The following ATR variants were observed in gnomAD, a reference collection of about 807,000 sequenced individuals.
ATR encodes the protein ATR checkpoint kinase, also known as serine/threonine-protein kinase ATR.
Under a neutral mutation model 305.3 loss-of-function variants are expected in ATR, and 142 were observed. The ratio of observed to expected loss-of-function variants is 0.47; its 90% CI spans 0.41 to 0.53. The LOEUF (loss-of-function observed/expected upper bound fraction) is 0.53. Among genes scored for constraint, ATR ranks in the 20% least tolerant of loss-of-function variants. The pLI is 0.00. For synonymous variants in ATR, 1,050 were observed against 1,068.1 expected (o/e 0.98, Z 0.33); for missense variants, 2,135 against 3,133.1 (o/e 0.68, Z 7.60).
At chr3:142,469,273 A>G (rs2071201827) in intron 38 of ATR, 64 bp downstream of exon 38, 2 of 1,358,510 alleles carry the variant, frequency 1.5e-6, no homozygotes, top group Non-Finnish European at 1.0e-6. Flanking sequence ...TTAGTATTAC[A>G]TAATCAAGTT....
chr3:142,549,709 T>G (rs762037131), intron 14 of ATR, 36 bp from the exon 15 acceptor site: 1 of 1,591,740 alleles, frequency 6.3e-7, no homozygotes, highest in Non-Finnish European at 8.6e-7. Flanking sequence ...AAAAGTACAT[T>G]TGTCTGGGTG....
chr3:142,569,724 G>T (rs1407941069), intron 1 of ATR, among the ~76,000 whole-genome samples: 1 of 151,706 alleles, frequency 6.6e-6, no homozygotes, highest in Admixed American at 6.6e-5. Context: ...TCAACTCACT[G>T]CAACCTCTGT....
chr3:142,576,056 A>C lies in ATR; in HGVS notation c.59+2590T>G, dbSNP rs1039252711. On this transcript the variant is annotated intron_variant, in intron 1 of 46. Transcript: ENST00000350721. ...AGTAGGTAAAAGTAGAAATGGAAAG[A>C]TCAACTAAGGTTACTGTAATAGTTC... 4.6e-4 allele frequency among the ~76,000 whole-genome samples: 70 copies of C among 152,262 alleles called. 3 individuals carry two copies. The highest frequency in any genetic ancestry group is 5.9e-5 in the Non-Finnish European group (4 of 68,034).
rs1452658092 is a variant in ATR, at chr3:142,498,611, A to G, written c.5544T>C (p.Tyr1848=). The G allele has an allele frequency of 6.2e-7, 1 of 1,613,612 alleles. No individual in the cohort carries two copies. Among genetic ancestry groups the G allele is most frequent in the Non-Finnish European group, 8.5e-7 (1 of 1,179,940 alleles). The part of the protein sequence containing the change: ...SFERGSYQRG[Y]EYIVRLHMLC... ...TTCCAAAATACCTCACAATATATTCATATCCTCGTTGGTAGGAGCCTCTTT... is the reference window on the plus strand; with the variant it reads ...TTCCAAAATACCTCACAATATATTCGTATCCTCGTTGGTAGGAGCCTCTTT... Residue 1848 remains tyrosine, a synonymous_variant, in exon 32 of 47, where the codon TAT becomes TAC. Coordinates refer to ENST00000350721, the MANE Select transcript of ATR (RefSeq NM_001184.4).
Position 142,470,102 on chromosome 3 carries a change from T to G in ATR, c.6303A>C (p.Ala2101=). ...GAGTTATACCTTTTTCCCATTCATATGCCTTTGTACCATAATCAAGCCATA... is the reference window on the plus strand; with the variant it reads ...GAGTTATACCTTTTTCCCATTCATAGGCCTTTGTACCATAATCAAGCCATA... The part of the protein sequence containing the change: ...LTLWLDYGTK[A]YEWEKAGRSD... Residue 2101 remains alanine, a synonymous_variant, in exon 37 of 47, where the codon GCA becomes GCC. Transcript: ENST00000350721. 1 of 1,607,706 alleles carries G rather than the reference T, an allele frequency of 6.2e-7. No individual in the cohort carries two copies. Among genetic ancestry groups the G allele is most frequent in the Non-Finnish European group, 8.5e-7 (1 of 1,175,142 alleles).
chr3:142,473,621 C>CT (rs2071353373), intron 36 of ATR, among the ~76,000 whole-genome samples: 1 of 151,704 alleles, frequency 6.6e-6, no homozygotes, highest in African/African-American at 2.4e-5. Context: ...TCTCGGCTCA[C>CT]TGTAACCTCC....
At chr3:142,449,762 T>C in intron 46 of ATR, 160 bp from the exon 47 acceptor site, 1 of 777,156 alleles carries the variant, frequency 1.3e-6, no homozygotes, top group Non-Finnish European at 2.1e-6. Flanking sequence ...ACAAATACAG[T>C]TAGCTTGTGA....
intron 46 of ATR, chr3:142,452,215 G>C (rs1355847242): frequency 1.9e-5 from 19 of 996,542 alleles, no homozygotes; most frequent in Non-Finnish European, 2.3e-5. Context: ...GATGAAAGTG[G>C]ACTTAAACTC....
intron 1 of ATR, among the ~76,000 whole-genome samples, chr3:142,575,373 G>A (rs2035401822): frequency 6.6e-6 from 1 of 151,454 alleles, no homozygotes; most frequent in Admixed American, 6.6e-5. Context: ...CCAGCTACAG[G>A]AAAGGGAGGC....
intron 36 of ATR, chr3:142,472,358 T>C (rs1430858685): frequency 1.3e-5 from 2 of 152,198 alleles, no homozygotes; most frequent in African/African-American, 2.4e-5. Flanking sequence ...TTTTCCATAA[T>C]GGCTCTACTA....
At chr3:142,552,105 C>T (rs1275559475) in intron 13 of ATR, among the ~76,000 whole-genome samples, 2 of 88,966 alleles carry the variant, frequency 2.2e-5, no homozygotes, top group Non-Finnish European at 2.3e-5. Flanking sequence ...CCATCTCACG[C>T]CAGCAGAATG....
intron 1 of ATR, among the ~76,000 whole-genome samples, chr3:142,571,186 G>T (rs1273324766): frequency 6.6e-6 from 1 of 152,144 alleles, no homozygotes; most frequent in African/African-American, 2.4e-5. Flanking sequence ...AATCAAAAGC[G>T]GCCGGGCATG....
intron 23 of ATR, among the ~76,000 whole-genome samples, chr3:142,520,295 A>G (rs2033090991): frequency 6.6e-6 from 1 of 151,946 alleles, no homozygotes; most frequent in Non-Finnish European, 1.5e-5. Context: ...CCAATTAATG[A>G]CCCTACAGTG....
chr3:142,571,465 CAATAAATAAATA>C (rs72292987), intron 1 of ATR, among the ~76,000 whole-genome samples: 8,205 of 143,196 alleles, frequency 0.057, 560 homozygotes, highest in African/African-American at 0.17. Context: ...GACTCAGTCT[CAATAAATAAATA>C]AATAAATAAA....
intron 1 of ATR, 101 bp from the exon 2 acceptor site, chr3:142,568,255 A>G: frequency 1.2e-6 from 1 of 827,564 alleles, no homozygotes; most frequent in Non-Finnish European, 2.0e-6. Flanking sequence ...TTCAGTGTCA[A>G]TGTTGATATT....
intron 36 of ATR, among the ~76,000 whole-genome samples, chr3:142,483,210 A>C (rs1280574103): frequency 6.6e-6 from 1 of 151,926 alleles, no homozygotes; most frequent in African/African-American, 2.4e-5. Context: ...TTTAACTGAG[A>C]AGTCATAGTA....
Position 142,547,880 on chromosome 3 carries a change from A to G in ATR, c.3202T>C (p.Leu1068=), listed in dbSNP as rs2034330482. 1.9e-6 allele frequency: 3 copies of G among 1,613,984 alleles called. No individual in the cohort carries two copies. Among genetic ancestry groups the G allele is most frequent in the Middle Eastern group, 1.7e-4 (1 of 6,060 alleles). Residue 1068 remains leucine, a synonymous_variant, in exon 16 of 47, where the codon TTG becomes CTG. Transcript: ENST00000350721. ...TGCAATCCTTGGAAATCTTGTCTCA[A>G]CAGGCTCCCCAGTTCAATTTCTGTT... ...NETEIELGSL[L]RQDFQGLHNE...
At position 142,562,747 on chromosome 3, in the gene ATR, T is replaced by C. The variant is rs746817691; in HGVS notation, c.655A>G (p.Ile219Val). The change falls in exon 4 of 47, where the codon ATT becomes GTT. Residue 219 changes from isoleucine to valine, a missense_variant. Physicochemically the swap from Ile to Val is conservative, Grantham distance 29. Transcript: ENST00000350721. ...AGTTCTTGCCTTCTAAAAAACACAA[T>C]TGCAATAATACGAGTAAGAACCATT... is the stretch of plus-strand genomic sequence containing the variant. ...LLMVLTRIIA[I>V]VFFRRQELLL... is the part of the protein sequence containing the mutation. 3.7e-6 allele frequency: 6 copies of C among 1,613,646 alleles called. No homozygotes were observed. Among genetic ancestry groups the C allele is most frequent in the South Asian group, 3.3e-5 (3 of 90,926 alleles).
At chr3:142,567,222 T>G (rs112400324) in intron 2 of ATR, among the ~76,000 whole-genome samples, 1 of 152,020 alleles carries the variant, frequency 6.6e-6, no homozygotes, top group African/African-American at 2.4e-5. Flanking sequence ...ATAATTATAA[T>G]ACAATATGGT....
Sources: allele counts gnomAD v4.1 joint callset (sites outside exome capture counted in the v4.1 genomes callset), GRCh38; gene constraint gnomAD v4.1.1; transcripts MANE v1.5; gene names NCBI Gene and HGNC (gene_info 2026-07-23, HGNC 2026-07-21).